MAFG: variants seen among roughly 807,000 people sequenced by gnomAD.
MAFG encodes transcription factor MafG.
A neutral mutation model predicts 12.2 loss-of-function variants in MAFG; 3 were observed. The observed-to-expected ratio is 0.25, with a 90% CI of 0.11 to 0.64. The LOEUF is 0.64. Ranked by LOEUF, MAFG falls within the 30% of genes least tolerant of loss-of-function variation. The pLI, the probability that MAFG is intolerant of heterozygous loss-of-function variation, is 0.85. For synonymous variants in MAFG, 126 were observed against 109.1 expected, an observed-to-expected ratio of 1.15 and a Z score of -0.96; for missense variants, 153 against 235.5, an observed-to-expected ratio of 0.65 and a Z score of 2.29.
rs2040906009 is a variant in MAFG, at chr17:81,922,886, C to T, written c.208G>A (p.Val70Met). The change falls in exon 3 of 3, where the codon GTG becomes ATG. Residue 70 changes from valine (V) to methionine (M), a missense_variant. Physicochemically the swap from Val to Met is conservative, Grantham distance 21 (BLOSUM62 1). Coordinates refer to ENST00000357736, the MANE Select transcript of MAFG (RefSeq NM_002359.4). Reference sequence around the variant, plus strand: ...TCCTCCTTCTGCGTCACCCGCTTCACGCGGCAGCTGGCAGCGTAGCCGCGG... The same window carrying T: ...TCCTCCTTCTGCGTCACCCGCTTCATGCGGCAGCTGGCAGCGTAGCCGCGG... ...KNRGYAASCR[V>M]KRVTQKEELE... The T allele has an allele frequency of 1.9e-6, 3 of 1,610,970 alleles. No homozygotes were observed. The highest frequency in any genetic ancestry group is 2.2e-5 in the East Asian group (1 of 44,840).
At chr17:81,923,468 A>C in intron 1 of MAFG, 1 of 393,636 alleles carries the variant, frequency 2.5e-6, no homozygotes. Context: ...AGGGGAACTG[A>C]AGGCTGTTAG....
upstream of MAFG, among the ~76,000 whole-genome samples, chr17:81,928,753 C>T (rs533125316): frequency 1.3e-5 from 2 of 152,206 alleles, no homozygotes; most frequent in Non-Finnish European, 2.9e-5. This position sits in a 1 kb window ranked among gnomAD's most constrained non-coding sequence, Gnocchi z 8.1. Flanking sequence ...CTTCCGAGGC[C>T]TCAACCTTAG....
At chr17:81,927,886 G>C (rs909175519), upstream of MAFG, 98 of 152,274 alleles carry the variant, frequency 6.4e-4, no homozygotes, top group African/African-American at 2.4e-3. Flanking sequence ...CGCCTGGCGG[G>C]GTCTCACGGG....
In MAFG at chr17:81,924,665, C is replaced by T. The variant is rs2040925414; in HGVS notation, c.-29-1451G>A. 6.6e-6 allele frequency among the ~76,000 whole-genome samples: 1 copy of T among 152,154 alleles called. No individual in the cohort carries two copies. Among genetic ancestry groups the T allele is most frequent in the Non-Finnish European group, 1.5e-5 (1 of 68,032 alleles). On this transcript the variant is annotated intron_variant, in intron 1 of 2. Transcript: ENST00000357736. The surrounding 1 kb of genome is among the most constrained non-coding windows in gnomAD (Gnocchi z 4.7). Reference sequence around the variant, plus strand: ...CCAAGCCAGCTCAGAGGCAAGGTCCCGAGGCTCCAGCCACTGGATTCTTCC... The same window carrying T: ...CCAAGCCAGCTCAGAGGCAAGGTCCTGAGGCTCCAGCCACTGGATTCTTCC...
chr17:81,919,456 C>T lies in MAFG; in HGVS notation c.*3149G>A, dbSNP rs1200225808. On this transcript the variant is annotated 3_prime_UTR_variant, in exon 3 of 3. Coordinates refer to ENST00000357736, the MANE Select transcript of MAFG (RefSeq NM_002359.4). ...GCCACCCCGAGCAGCAGCCAGGGGC[C>T]TCACTCTCCTGGTGAGAGCTGACCT... 6.6e-6 allele frequency: 1 copy of T among 152,374 alleles called. No homozygotes were observed. Among genetic ancestry groups the T allele is most frequent in the African/African-American group, 2.4e-5 (1 of 41,472 alleles). The allele number at this position is 152,374 out of a possible 1,614,324, so 9.4% of individuals were successfully genotyped here. A position where few individuals can be genotyped will look rare whatever the true frequency, so the allele number is the denominator to read the frequency against.
rs2040902087 is a variant in MAFG at position 81,922,620 on chromosome 17, C to T, written c.474G>A (p.Thr158=). 8.2e-6 allele frequency: 12 copies of T among 1,469,544 alleles called. No homozygotes were observed. The highest frequency in any genetic ancestry group is 5.4e-5 in the Admixed American group (2 of 36,916). 91.0% of individuals were successfully genotyped at this position (1,469,544 alleles called of 1,614,324 possible). A position where few individuals can be genotyped will look rare whatever the true frequency, so the allele number is the denominator to read the frequency against. ...ACGCGCGTCCCTACGATCGGGCATC[C>T]GTCTTGGACTTTACTATTGTGATGA... ...TSVITIVKSK[T]DARS Residue 158 remains threonine, a synonymous_variant, in exon 3 of 3, where the codon ACG becomes ACA. Transcript: ENST00000357736.
intron 1 of MAFG, among the ~76,000 whole-genome samples, chr17:81,927,030 G>C (rs956763504): frequency 9.9e-5 from 15 of 152,144 alleles, no homozygotes; most frequent in African/African-American, 3.4e-4. Flanking sequence ...CCCAGCCAGG[G>C]GCAGGGTCTT....
At chr17:81,929,485 G>A (rs2040967891), upstream of MAFG, 1 of 152,304 alleles carries the variant, frequency 6.6e-6, no homozygotes. The surrounding 1 kb of genome is among the most constrained non-coding windows in gnomAD (Gnocchi z 5.7). Flanking sequence ...GAGAGCTGAA[G>A]GTGTTCCGTG....
upstream of MAFG, chr17:81,930,660 A>G (rs926400062): frequency 6.6e-6 from 1 of 151,754 alleles, no homozygotes; most frequent in Non-Finnish European, 1.5e-5. This position sits in a 1 kb window ranked among gnomAD's most constrained non-coding sequence, Gnocchi z 4.1. Flanking sequence ...AACCTCTCTA[A>G]AAAAAAAGGA....
At chr17:81,925,996 C>CTGTGTGTGTGTGTG (rs532478689) in intron 1 of MAFG, among the ~76,000 whole-genome samples, 1,266 of 89,012 alleles carry the variant, frequency 0.014, 40 homozygotes, top group African/African-American at 0.056. Flanking sequence ...GAGAATGGAC[C>CTGTGTGTGTGTGTG]TGTGTGTGTG....
rs2040850095 is a variant in MAFG at position 81,918,350 on chromosome 17, A to G, written c.*4255T>C. 2.7e-6 allele frequency: 1 copy of G among 375,474 alleles called. No homozygotes were observed. The allele number at this position is 375,474 out of a possible 1,614,324, so 23.3% of individuals were successfully genotyped here. ...AAACATACACTATGTACAGCAATAAATACCCGGGGGGCCAGGCCCAGTGCT... is the reference window on the plus strand; with the variant it reads ...AAACATACACTATGTACAGCAATAAGTACCCGGGGGGCCAGGCCCAGTGCT... On this transcript the variant is annotated 3_prime_UTR_variant, in exon 3 of 3. Coordinates refer to ENST00000357736, the MANE Select transcript of MAFG (RefSeq NM_002359.4).
Position 81,922,705 on chromosome 17 carries a change from C to T in MAFG, c.389G>A (p.Arg130Gln), listed in dbSNP as rs756831330. The change falls in exon 3 of 3, where the codon CGG becomes CAG. Residue 130 changes from arginine to glutamine, a missense_variant. Physicochemically the swap from Arg to Gln is conservative, Grantham distance 43. This residue lies in a region of MAFG where 81 missense variants were observed against 94.7 expected (regional missense o/e 0.86). Transcript: ENST00000357736. Reference protein sequence around the residue: ...TVARSPVAPARGPLAAGLGPL... With the variant: ...TVARSPVAPAQGPLAAGLGPL... ...CCCCAGGCCGGCGGCAAGGGGGCCC[C>T]GGGCTGGCGCCACGGGGCTGCGGGC... 1.0e-5 allele frequency: 16 copies of T among 1,525,328 alleles called. No individual in the cohort carries two copies. The highest frequency in any genetic ancestry group is 1.0e-4 in the South Asian group (8 of 79,166). 94.5% of individuals were successfully genotyped at this position (1,525,328 alleles called of 1,614,324 possible). A position where few individuals can be genotyped will look rare whatever the true frequency, so the allele number is the denominator to read the frequency against.
rs144267048 is a variant in MAFG, at chr17:81,925,235, G to A, written c.-29-2021C>T. ...GAGGCTAATAAGCCCACCTCACGCA[G>A]GAGGCACAGATGGTCACGGCTCCGC... On this transcript the variant is annotated intron_variant, in intron 1 of 2. Coordinates refer to ENST00000357736, the MANE Select transcript of MAFG (RefSeq NM_002359.4). 2.5e-3 allele frequency among the ~76,000 whole-genome samples: 375 copies of A among 152,344 alleles called. 1 individual carries two copies. Among genetic ancestry groups the A allele is most frequent in the African/African-American group, 8.6e-3 (357 of 41,582 alleles).
intron 1 of MAFG, among the ~76,000 whole-genome samples, chr17:81,925,400 C>A (rs1450229218): frequency 1.3e-5 from 2 of 152,248 alleles, no homozygotes; most frequent in Non-Finnish European, 1.5e-5. Flanking sequence ...CAAAGCCCAG[C>A]GGCCGAAACT....
upstream of MAFG, chr17:81,928,386 A>G (rs2040960186): frequency 6.6e-6 from 1 of 151,846 alleles, no homozygotes; most frequent in Admixed American, 6.6e-5. The surrounding 1 kb of genome is among the most constrained non-coding windows in gnomAD (Gnocchi z 8.1). Flanking sequence ...TTTCTCCTCC[A>G]CCCTCTTCCC....
At chr17:81,931,160 C>A (rs940179351), upstream of MAFG, among the ~76,000 whole-genome samples, 2 of 152,178 alleles carry the variant, frequency 1.3e-5, no homozygotes, top group South Asian at 4.1e-4. Context: ...TCCTAGGGCC[C>A]GCCTGCTGAA....
At chr17:81,925,473 A>C (rs1314699137) in intron 1 of MAFG, among the ~76,000 whole-genome samples, 1 of 152,246 alleles carries the variant, frequency 6.6e-6, no homozygotes, top group African/African-American at 2.4e-5. Flanking sequence ...CTTTGAACAG[A>C]ACCTAAAACT....
rs2040926950 is a variant in MAFG, at chr17:81,924,929, C to T, written c.-29-1715G>A. On this transcript the variant is annotated intron_variant, in intron 1 of 2. Coordinates refer to ENST00000357736, the MANE Select transcript of MAFG (RefSeq NM_002359.4). This position sits in a 1 kb window ranked among gnomAD's most constrained non-coding sequence, Gnocchi z 4.7. ...CAGTGGTGACTTCCTGAAGAGATCA[C>T]ACGGAAAAGTGCCTCCTCGACAGAT... is the stretch of plus-strand genomic sequence containing the variant. Among the ~76,000 whole-genome samples, 1 of 152,220 alleles carries T rather than the reference C, an allele frequency of 6.6e-6. No individual in the cohort carries two copies. The highest frequency in any genetic ancestry group is 2.4e-5 in the African/African-American group (1 of 41,454).
chr17:81,925,146 C>T (rs2040928909), intron 1 of MAFG, among the ~76,000 whole-genome samples: 1 of 152,230 alleles, frequency 6.6e-6, no homozygotes, highest in Admixed American at 6.5e-5. Context: ...AGAAGCTGCC[C>T]CCGCCCTCCT....
Sources: allele counts gnomAD v4.1 joint callset (sites outside exome capture counted in the v4.1 genomes callset), GRCh38; gene constraint gnomAD v4.1.1; regional missense constraint gnomAD v4.1.1; non-coding constraint Gnocchi (gnomAD v3.1); transcripts MANE v1.5; gene names NCBI Gene and HGNC (gene_info 2026-07-23, HGNC 2026-07-21).